The following PPM1L variants were observed in gnomAD, a reference collection of about 807,000 sequenced individuals.
The protein encoded by PPM1L is protein phosphatase, Mg2+/Mn2+ dependent 1L, also known as protein phosphatase 1L.
A neutral mutation model predicts 31.4 loss-of-function variants in PPM1L; 13 were observed. The observed-to-expected ratio is 0.41, with a 90% CI of 0.27 to 0.66. The LOEUF is 0.66. Ranked by LOEUF, PPM1L falls within the 30% of genes least tolerant of loss-of-function variation. PPM1L has a pLI of 0.29. For missense variants in PPM1L, 326 were observed against 453.7 expected, an observed-to-expected ratio of 0.72 and a Z score of 2.56; for synonymous variants, 184 against 175.4, an observed-to-expected ratio of 1.05 and a Z score of -0.39.
At chr3:160,970,559 C>T (rs549260529) in intron 2 of PPM1L, among the ~76,000 whole-genome samples, 3 of 148,904 alleles carry the variant, frequency 2.0e-5, no homozygotes, top group African/African-American at 4.9e-5. Context: ...AAGCAATTCT[C>T]GTGCATCAGC....
chr3:161,067,228 A>G (rs1166578614), intron 3 of PPM1L, among the ~76,000 whole-genome samples: 1 of 152,190 alleles, frequency 6.6e-6, no homozygotes, highest in African/African-American at 2.4e-5. Flanking sequence ...CTTCCCTGTC[A>G]TACCCACTAC....
chr3:160,895,577 G>C, intron 1 of PPM1L, among the ~76,000 whole-genome samples: 1 of 152,156 alleles, frequency 6.6e-6, no homozygotes, highest in East Asian at 1.9e-4. Context: ...ATGATAGATA[G>C]AATGGGAATA....
At chr3:160,940,300 T>C (rs1419455749) in intron 1 of PPM1L, among the ~76,000 whole-genome samples, 1 of 152,092 alleles carries the variant, frequency 6.6e-6, no homozygotes, top group African/African-American at 2.4e-5. Context: ...CATTTTCTGG[T>C]GAGAAATTCA....
chr3:160,855,211 G>A (rs370529558), intron 1 of PPM1L, among the ~76,000 whole-genome samples: 61 of 152,206 alleles, frequency 4.0e-4, no homozygotes, highest in African/African-American at 1.4e-3. Context: ...TTTCACTATA[G>A]ATAGAAATCA....
At chr3:160,868,831 G>GA (rs1305893463) in intron 1 of PPM1L, among the ~76,000 whole-genome samples, 2 of 151,960 alleles carry the variant, frequency 1.3e-5, no homozygotes, top group Non-Finnish European at 2.9e-5. Context: ...TTCCAAAGGA[G>GA]AAAATCACAA....
In PPM1L at chr3:160,953,066, T is replaced by C. The variant is rs554743662; in HGVS notation, c.400-8670T>C. Among the ~76,000 whole-genome samples the C allele has an allele frequency of 8.2e-4, 125 of 152,314 alleles. 1 individual carries two copies. The highest frequency in any genetic ancestry group is 2.8e-3 in the African/African-American group (117 of 41,564). On this transcript the variant is annotated intron_variant, in intron 1 of 3. Transcript: ENST00000498165. ...CCATCCATAAGGCAAAAATCCCTTT[T>C]CTTCTTAAGATGCATGTCTGAGGTT...
intron 1 of PPM1L, among the ~76,000 whole-genome samples, chr3:160,774,759 T>G (rs1405278633): frequency 7.9e-5 from 12 of 152,234 alleles, no homozygotes; most frequent in Non-Finnish European, 1.8e-4. Flanking sequence ...GATTTCCAGC[T>G]CTTCCATAAA....
intron 1 of PPM1L, among the ~76,000 whole-genome samples, chr3:160,840,788 G>GGA (rs1039794900): frequency 2.0e-5 from 3 of 150,030 alleles, no homozygotes; most frequent in Non-Finnish European, 3.0e-5. Flanking sequence ...GAGAGAGAGA[G>GGA]GAGAGAGAGA....
intron 1 of PPM1L, among the ~76,000 whole-genome samples, chr3:160,885,315 A>G (rs879461019): frequency 5.9e-5 from 9 of 152,230 alleles, no homozygotes; most frequent in Non-Finnish European, 1.2e-4. Flanking sequence ...GTTATAGATC[A>G]CCCTAGAATA....
intron 1 of PPM1L, among the ~76,000 whole-genome samples, chr3:160,768,627 AG>A (rs1715170432): frequency 6.6e-6 from 1 of 152,178 alleles, no homozygotes; most frequent in Admixed American, 6.5e-5. Context: ...TCTGGCAATA[AG>A]GAAATGTCCT....
At chr3:160,975,404 G>A (rs1299991788) in intron 2 of PPM1L, among the ~76,000 whole-genome samples, 2 of 152,098 alleles carry the variant, frequency 1.3e-5, no homozygotes, top group Non-Finnish European at 2.9e-5. Context: ...TTCCAATTCT[G>A]TGAAGAAAAT....
chr3:161,069,521 T>C lies in PPM1L; in HGVS notation c.*364T>C. On this transcript the variant is annotated 3_prime_UTR_variant, in exon 4 of 4. Coordinates refer to ENST00000498165, the MANE Select transcript of PPM1L (RefSeq NM_139245.4). ...CCTCCAGGCATCAGCTGTTGTGTCC[T>C]CTCTTTGTAACAGTGGACAGGACAG... is the stretch of plus-strand genomic sequence containing the variant. 1 of 249,640 alleles carries C rather than the reference T, an allele frequency of 4.0e-6. No homozygotes were observed. Among genetic ancestry groups the C allele is most frequent in the African/African-American group, 2.3e-5 (1 of 44,104 alleles). 15.5% of individuals were successfully genotyped at this position (249,640 alleles called of 1,614,324 possible). A position where few individuals can be genotyped will look rare whatever the true frequency, so the allele number is the denominator to read the frequency against.
chr3:160,810,531 C>A (rs1338010823), intron 1 of PPM1L, among the ~76,000 whole-genome samples: 1 of 152,126 alleles, frequency 6.6e-6, no homozygotes, highest in Non-Finnish European at 1.5e-5. Flanking sequence ...TCTGTAGTTA[C>A]CAAGCAGCTG....
In PPM1L at chr3:161,074,525, C is replaced by CTCTT. The variant is rs1189249774; in HGVS notation, c.*5369_*5372dup. The CTCTT allele has an allele frequency of 6.6e-6, 1 of 152,196 alleles. No individual in the cohort carries two copies. The highest frequency in any genetic ancestry group is 2.4e-5 in the African/African-American group (1 of 41,456). 9.4% of individuals were successfully genotyped at this position (152,196 alleles called of 1,614,324 possible). ...TATTTTAAAAAACTAAAAGTAAGAT[C>CTCTT]TCTTAGGCTAGGTGGCGGATTGCAA... On this transcript the variant is annotated 3_prime_UTR_variant, in exon 4 of 4. Transcript: ENST00000498165.
intron 2 of PPM1L, among the ~76,000 whole-genome samples, chr3:161,045,685 G>A (rs908048747): frequency 3.9e-5 from 6 of 152,124 alleles, no homozygotes; most frequent in Non-Finnish European, 5.9e-5. Flanking sequence ...ATCTAACATT[G>A]ACACCCTAAC....
At chr3:161,016,213 T>TA (rs147796304) in intron 2 of PPM1L, among the ~76,000 whole-genome samples, 10 of 151,756 alleles carry the variant, frequency 6.6e-5, no homozygotes, top group South Asian at 4.2e-4. Context: ...AGGCAACTGG[T>TA]AAAAAAAAAT....
intron 1 of PPM1L, among the ~76,000 whole-genome samples, chr3:160,800,970 A>C (rs774134384): frequency 6.6e-6 from 1 of 152,174 alleles, no homozygotes; most frequent in Non-Finnish European, 1.5e-5. Flanking sequence ...GACTGCATAA[A>C]GTTTTTATTT....
chr3:160,772,795 A>T (rs1470958574), intron 1 of PPM1L, among the ~76,000 whole-genome samples: 1 of 152,088 alleles, frequency 6.6e-6, no homozygotes. Context: ...ATTTTGTAAA[A>T]CTTTATATAA....
chr3:161,043,061 A>G (rs1257774670), intron 2 of PPM1L, among the ~76,000 whole-genome samples: 1 of 149,058 alleles, frequency 6.7e-6, no homozygotes, highest in African/African-American at 2.5e-5. Context: ...TTTTCAAATC[A>G]GTGGTTGACT....
Sources: allele counts gnomAD v4.1 joint callset (sites outside exome capture counted in the v4.1 genomes callset), GRCh38; gene constraint gnomAD v4.1.1; transcripts MANE v1.5; gene names NCBI Gene and HGNC (gene_info 2026-07-23, HGNC 2026-07-21).